PICK1: variants seen among roughly 807,000 people sequenced by gnomAD.
The protein encoded by PICK1 is protein interacting with PRKCA 1.
Under a neutral mutation model 48.9 loss-of-function variants are expected in PICK1, and 23 were observed. The ratio of observed to expected loss-of-function variants is 0.47; its 90% CI spans 0.34 to 0.67. PICK1 has a LOEUF of 0.67. Among genes scored for constraint, PICK1 ranks in the 30% least tolerant of loss-of-function variants. PICK1 has a pLI of 0.01. For synonymous variants in PICK1, 217 were observed against 228.2 expected, an observed-to-expected ratio of 0.95 and a Z score of 0.44; for missense variants, 423 against 557.1, an observed-to-expected ratio of 0.76 and a Z score of 2.42.
rs2085295562 is a variant in PICK1, at chr22:38,057,422, C to T, written c.-223C>T. Reference sequence around the variant, plus strand: ...GTGACGTGACAATCGCGGCCACCGCCAGGTGGAACGGCAGGTGGGTTCAGG... The same window carrying T: ...GTGACGTGACAATCGCGGCCACCGCTAGGTGGAACGGCAGGTGGGTTCAGG... On this transcript the variant is annotated 5_prime_UTR_variant, in exon 1 of 13. Transcript: ENST00000356976. 1 of 249,874 alleles carries T rather than the reference C, an allele frequency of 4.0e-6. No homozygotes were observed. The highest frequency in any genetic ancestry group is 2.2e-5 in the African/African-American group (1 of 45,294). The allele number at this position is 249,874 out of a possible 1,614,324, so 15.5% of individuals were successfully genotyped here.
chr22:38,072,750 G>T, intron 9 of PICK1, 140 bp downstream of exon 9: 2 of 1,296,612 alleles, frequency 1.5e-6, no homozygotes, highest in Non-Finnish European at 2.2e-6. Context: ...GACTGTGGGT[G>T]AGTCACTGTG....
intron 6 of PICK1, among the ~76,000 whole-genome samples, chr22:38,070,610 C>T (rs1346646112): frequency 6.6e-6 from 1 of 152,226 alleles, no homozygotes; most frequent in Non-Finnish European, 1.5e-5. Flanking sequence ...AGTGTGGGAG[C>T]TTTGCCTGCT....
At chr22:38,067,647 G>A in intron 4 of PICK1, 57 bp from the exon 5 acceptor site, 2 of 1,498,862 alleles carry the variant, frequency 1.3e-6, no homozygotes, top group South Asian at 1.1e-5. Context: ...GTCTTGGCTG[G>A]GAAGGGGCTC....
At chr22:38,067,564 C>T (rs1360157111) in intron 4 of PICK1, 140 bp from the exon 5 acceptor site, 2 of 723,528 alleles carry the variant, frequency 2.8e-6, no homozygotes, top group Non-Finnish European at 2.5e-6. Flanking sequence ...CTGCCTCAGC[C>T]TCCCAAATTG....
In PICK1 at chr22:38,074,964, C is replaced by T. The variant is rs367740204; in HGVS notation, c.1080C>T (p.Ile360=). The T allele has an allele frequency of 3.1e-6, 5 of 1,613,650 alleles. No individual in the cohort carries two copies. Among genetic ancestry groups the T allele is most frequent in the Non-Finnish European group, 4.2e-6 (5 of 1,180,044 alleles). ...AVLRDADVFP[I]EVDLAHTTLA... The stretch of plus-strand genomic sequence containing the variant: ...TGCGGGATGCCGACGTCTTCCCCAT[C>T]GAGGTAGACCTGGCGCACACCACAT... Residue 360 remains isoleucine, a synonymous_variant, in exon 13 of 13, where the codon ATC becomes ATT. Coordinates refer to ENST00000356976, the MANE Select transcript of PICK1 (RefSeq NM_012407.4). The surrounding 1 kb of genome is among the most constrained non-coding windows in gnomAD (Gnocchi z 4.5).
rs2085565629 is a variant in PICK1, at chr22:38,067,715, C to T, written c.294C>T (p.Thr98=). 1.2e-6 allele frequency: 2 copies of T among 1,613,818 alleles called. No individual in the cohort carries two copies. Among genetic ancestry groups the T allele is most frequent in the Admixed American group, 3.3e-5 (2 of 60,016 alleles). ...KMIQEVKGEV[T]IHYNKLQADP... Reference sequence around the variant, plus strand: ...TGCTGCTCTTCCAGGGGGAGGTGACCATCCACTACAACAAGCTGCAGGCGG... The same window carrying T: ...TGCTGCTCTTCCAGGGGGAGGTGACTATCCACTACAACAAGCTGCAGGCGG... The change falls in exon 5 of 13, where the codon ACC becomes ACT. Residue 98 remains threonine, a synonymous_variant. Coordinates refer to ENST00000356976, the MANE Select transcript of PICK1 (RefSeq NM_012407.4).
Position 38,075,493 on chromosome 22 carries a change from C to T in PICK1, c.*361C>T, listed in dbSNP as rs568591012. On this transcript the variant is annotated 3_prime_UTR_variant, in exon 13 of 13. Transcript: ENST00000356976. ...TCCTTGTGGGCGCTCACACTGCCCC[C>T]GGAGCCTGCTGGGAGTGGGGCCAGC... 2.8e-3 allele frequency: 650 copies of T among 228,256 alleles called. 1 individual carries two copies. Among genetic ancestry groups the T allele is most frequent in the Non-Finnish European group, 3.4e-3 (395 of 114,998 alleles). 14.1% of individuals were successfully genotyped at this position (228,256 alleles called of 1,614,324 possible).
rs1055983173 is a variant in PICK1, at chr22:38,073,903, G to A, written c.834+80G>A. On this transcript the variant is annotated intron_variant, in intron 11 of 12. Transcript: ENST00000356976. This position sits in a 1 kb window ranked among gnomAD's most constrained non-coding sequence, Gnocchi z 5.7. ...GATAGCAGGTGGCTCAGGCCAACCC[G>A]GGAGAGACCGGGGGGACTTGGCTGG... 7.1e-5 allele frequency: 96 copies of A among 1,354,958 alleles called. No individual in the cohort carries two copies. The highest frequency in any genetic ancestry group is 8.5e-5 in the Non-Finnish European group (80 of 945,800). The allele number at this position is 1,354,958 out of a possible 1,614,324, so 83.9% of individuals were successfully genotyped here.
At chr22:38,072,925 C>A in intron 9 of PICK1, 75 bp from the exon 10 acceptor site, 1 of 970,220 alleles carries the variant, frequency 1.0e-6, no homozygotes, top group Non-Finnish European at 1.7e-6. Flanking sequence ...ACAAGGGTGA[C>A]GCATCAGTGC....
Position 38,075,087 on chromosome 22 carries a change from G to T in PICK1, c.1203G>T (p.Gly401=). 1 of 1,612,742 alleles carries T rather than the reference G, an allele frequency of 6.2e-7. No individual in the cohort carries two copies. The highest frequency in any genetic ancestry group is 1.1e-5 in the South Asian group (1 of 91,070). ...AAGEPSRDTR[G]AAGPLDKGGS... is the part of the protein sequence containing the mutation. ...GGGAGCCGTCCAGGGATACACGAGG[G>T]GCTGCTGGGCCCTTGGACAAGGGTG... Residue 401 remains glycine (G), a synonymous_variant, in exon 13 of 13, where the codon GGG becomes GGT. Transcript: ENST00000356976.
At chr22:38,062,103 C>T (rs1277745619) in intron 3 of PICK1, among the ~76,000 whole-genome samples, 3 of 152,128 alleles carry the variant, frequency 2.0e-5, no homozygotes, top group Admixed American at 6.6e-5. Context: ...GTCAAAACAA[C>T]TCTATGTTTA....
rs2145884074 is a variant in PICK1 at position 38,073,754 on chromosome 22, C to T, written c.784-19C>T. The stretch of plus-strand genomic sequence containing the variant: ...GTGGGGGTAGTAGCCACTCTGACAG[C>T]CTCACCTGTCCCACACAGTCGTACT... On this transcript the variant is annotated intron_variant, in intron 10 of 12. Coordinates refer to ENST00000356976, the MANE Select transcript of PICK1 (RefSeq NM_012407.4). The surrounding 1 kb of genome is among the most constrained non-coding windows in gnomAD (Gnocchi z 5.7). The T allele has an allele frequency of 6.2e-7, 1 of 1,612,084 alleles. No individual in the cohort carries two copies. Among genetic ancestry groups the T allele is most frequent in the Non-Finnish European group, 8.5e-7 (1 of 1,178,724 alleles).
rs763111317 is a variant in PICK1, at chr22:38,065,098, G to T, written c.250G>T (p.Val84Leu). Reference sequence around the variant, plus strand: ...CAGGTCAATCAAAGGGAAAACTAAGGTGGAGGTGGCGAAGATGATTCAGGA... The same window carrying T: ...CAGGTCAATCAAAGGGAAAACTAAGTTGGAGGTGGCGAAGATGATTCAGGA... ...NGRSIKGKTK[V>L]EVAKMIQEVK... Residue 84 changes from valine (V) to leucine (L), a missense_variant, in exon 4 of 13, where the codon GTG becomes TTG. By Grantham distance (32) the Val-to-Leu change is conservative. Coordinates refer to ENST00000356976, the MANE Select transcript of PICK1 (RefSeq NM_012407.4). The T allele has an allele frequency of 1.9e-6, 3 of 1,614,026 alleles. No individual in the cohort carries two copies. The highest frequency in any genetic ancestry group is 1.7e-5 in the Admixed American group (1 of 60,002).
At chr22:38,072,390 C>A in intron 8 of PICK1, 87 bp from the exon 9 acceptor site, 7 of 1,511,530 alleles carry the variant, frequency 4.6e-6, no homozygotes, top group Non-Finnish European at 6.3e-6. Flanking sequence ...GCCTGCCAGG[C>A]CCCCTGCCCT....
At chr22:38,058,173 T>G (rs1403840603) in intron 2 of PICK1, 3 of 427,112 alleles carry the variant, frequency 7.0e-6, no homozygotes, top group African/African-American at 2.0e-5. Flanking sequence ...GTTTTGAAGG[T>G]TGAATAGGAA....
chr22:38,075,152 C>A lies in PICK1; in HGVS notation c.*20C>A. ...TCCTGAGTGCCCCGCGGCTGTGGTG[C>A]CGGGGGCAGGGTGCGTGGGAGGACG... On this transcript the variant is annotated 3_prime_UTR_variant, in exon 13 of 13. Coordinates refer to ENST00000356976, the MANE Select transcript of PICK1 (RefSeq NM_012407.4). 1 of 1,601,822 alleles carries A rather than the reference C, an allele frequency of 6.2e-7. No homozygotes were observed. Among genetic ancestry groups the A allele is most frequent in the African/African-American group, 1.3e-5 (1 of 74,796 alleles).
intron 5 of PICK1, 41 bp from the exon 6 acceptor site, chr22:38,068,992 G>T: frequency 6.5e-7 from 1 of 1,538,658 alleles, no homozygotes; most frequent in East Asian, 2.3e-5. Context: ...GATGGCCTCT[G>T]GGCAGCCACA....
At chr22:38,058,963 C>T (rs1437815269) in intron 2 of PICK1, among the ~76,000 whole-genome samples, 3 of 152,116 alleles carry the variant, frequency 2.0e-5, no homozygotes, top group Non-Finnish European at 4.4e-5. Context: ...GCCGAGATTG[C>T]GCCATTGCAC....
Position 38,070,878 on chromosome 22 carries a change from T to C in PICK1, c.480T>C (p.Ala160=), listed in dbSNP as rs1334260562. ...VKRLEELERT[A]ELYKGMTEHT... ...GGCTAGAGGAGCTGGAGCGGACCGC[T>C]GAGCTATACAAAGGTGGGTGGGGGG... is the stretch of plus-strand genomic sequence containing the variant. Residue 160 remains alanine, a synonymous_variant, in exon 7 of 13, where the codon GCT becomes GCC. Coordinates refer to ENST00000356976, the MANE Select transcript of PICK1 (RefSeq NM_012407.4). 1.9e-5 allele frequency: 30 copies of C among 1,613,800 alleles called. No individual in the cohort carries two copies. Among genetic ancestry groups the C allele is most frequent in the Non-Finnish European group, 2.5e-5 (29 of 1,179,952 alleles).
Sources: allele counts gnomAD v4.1 joint callset (sites outside exome capture counted in the v4.1 genomes callset), GRCh38; gene constraint gnomAD v4.1.1; non-coding constraint Gnocchi (gnomAD v3.1); transcripts MANE v1.5; gene names NCBI Gene and HGNC (gene_info 2026-07-23, HGNC 2026-07-21).